Variants in FBXW7 observed in about 807,000 individuals in gnomAD.
FBXW7 encodes the protein F-box/WD repeat-containing protein 7.
In FBXW7, 11 loss-of-function variants were observed where a neutral mutation model predicts 86.3. That is an observed-to-expected ratio of 0.13 (90% CI 0.08 to 0.21). FBXW7 has a LOEUF of 0.21. Ranked by LOEUF, FBXW7 falls within the 10% of genes least tolerant of loss-of-function variation. FBXW7 has a pLI of 1.00. For missense variants in FBXW7, 488 were observed against 847.4 expected (o/e 0.58, Z 5.27); for synonymous variants, 313 against 297.9 (o/e 1.05, Z -0.52).
At chr4:152,345,662 C>CA (rs553490278) in intron 6 of FBXW7, among the ~76,000 whole-genome samples, 2 of 151,504 alleles carry the variant, frequency 1.3e-5, no homozygotes, top group Admixed American at 6.6e-5. Context: ...AGTTACCAAC[C>CA]AAAAAAAGGT....
At chr4:152,483,916 C>T (rs557524669) in intron 2 of FBXW7, among the ~76,000 whole-genome samples, 1 of 152,206 alleles carries the variant, frequency 6.6e-6, no homozygotes, top group South Asian at 2.1e-4. Context: ...AAATTTTACA[C>T]TGGATAGTTT....
intron 2 of FBXW7, chr4:152,489,511 AAACT>A (rs765664359): frequency 3.3e-5 from 5 of 152,594 alleles, no homozygotes; most frequent in African/African-American, 4.8e-5. Flanking sequence ...AGCATTTTCT[AAACT>A]AACTGTCACT....
chr4:152,471,178 C>T (rs1384093201), intron 2 of FBXW7, among the ~76,000 whole-genome samples: 1 of 130,108 alleles, frequency 7.7e-6, no homozygotes, highest in Admixed American at 7.8e-5. Context: ...CCACAAGCCA[C>T]AGAAAAGGTG....
intron 2 of FBXW7, among the ~76,000 whole-genome samples, chr4:152,513,671 T>C (rs1748198482): frequency 6.6e-6 from 1 of 152,254 alleles, no homozygotes; most frequent in Admixed American, 6.5e-5. Context: ...TTACCCAGAC[T>C]TTTCCAACTC....
At chr4:152,392,325 A>G (rs1736061321) in intron 4 of FBXW7, among the ~76,000 whole-genome samples, 1 of 152,068 alleles carries the variant, frequency 6.6e-6, no homozygotes, top group African/African-American at 2.4e-5. Flanking sequence ...TAAAAAGGAG[A>G]TTCAGCTTCC....
At chr4:152,352,821 T>C (rs1731973432) in intron 4 of FBXW7, 4 of 1,548,852 alleles carry the variant, frequency 2.6e-6, no homozygotes, top group Non-Finnish European at 3.5e-6. Context: ...TGTCAAAGCC[T>C]TGACTGAACA....
intron 2 of FBXW7, among the ~76,000 whole-genome samples, chr4:152,500,349 T>C (rs768496676): frequency 5.3e-5 from 8 of 152,130 alleles, no homozygotes; most frequent in Non-Finnish European, 1.2e-4. Context: ...TCCTGGCTAC[T>C]TGAACGAGAA....
intron 4 of FBXW7, among the ~76,000 whole-genome samples, chr4:152,398,439 T>G (rs925699858): frequency 1.3e-5 from 2 of 152,030 alleles, no homozygotes; most frequent in Non-Finnish European, 2.9e-5. Context: ...ATTTTACATC[T>G]TTGTGCTTTC....
At chr4:152,387,312 G>A (rs193002173) in intron 4 of FBXW7, among the ~76,000 whole-genome samples, 43 of 152,222 alleles carry the variant, frequency 2.8e-4, no homozygotes, top group Middle Eastern at 3.4e-3. Flanking sequence ...TTACTGAAGT[G>A]CAATAAATCA....
intron 2 of FBXW7, among the ~76,000 whole-genome samples, chr4:152,490,152 C>T (rs947262197): frequency 1.3e-4 from 19 of 151,836 alleles, no homozygotes; most frequent in Admixed American, 4.6e-4. Context: ...GTATAACATA[C>T]GTTACCAGGA....
At chr4:152,423,740 T>A (rs746669158) in intron 2 of FBXW7, among the ~76,000 whole-genome samples, 1 of 152,122 alleles carries the variant, frequency 6.6e-6, no homozygotes, top group African/African-American at 2.4e-5. Context: ...GAGTATAAAT[T>A]GTATTATTCC....
intron 2 of FBXW7, among the ~76,000 whole-genome samples, chr4:152,448,173 C>A (rs1045830969): frequency 6.6e-6 from 1 of 152,194 alleles, no homozygotes; most frequent in East Asian, 1.9e-4. Context: ...GCTGAAATCA[C>A]AACATCCATT....
At chr4:152,367,507 T>A (rs1255475740) in intron 4 of FBXW7, among the ~76,000 whole-genome samples, 1 of 152,016 alleles carries the variant, frequency 6.6e-6, no homozygotes, top group East Asian at 1.9e-4. Context: ...AAGACTAAGA[T>A]CCCACTAAAA....
At chr4:152,332,404 G>C (rs1331402991) in intron 8 of FBXW7, among the ~76,000 whole-genome samples, 192 bp downstream of exon 8, 3 of 152,212 alleles carry the variant, frequency 2.0e-5, no homozygotes, top group East Asian at 1.9e-4. Context: ...AAGCAAATCA[G>C]ATATATTTGC....
intron 2 of FBXW7, among the ~76,000 whole-genome samples, chr4:152,444,305 GT>G (rs58721060): frequency 0.03 from 4,588 of 151,798 alleles, 125 homozygotes; most frequent in African/African-American, 0.062. Context: ...TGGCTGGATG[GT>G]TAGTCCAAAC....
intron 4 of FBXW7, among the ~76,000 whole-genome samples, chr4:152,391,524 T>G (rs1310928100): frequency 2.6e-5 from 4 of 152,066 alleles, no homozygotes; most frequent in Admixed American, 1.3e-4. Flanking sequence ...GATAGAAAGA[T>G]AAATAAGTCT....
chr4:152,411,749 G>A lies in FBXW7; in HGVS notation c.55C>T (p.Leu19=), dbSNP rs2126882530. 1.9e-6 allele frequency: 3 copies of A among 1,613,504 alleles called. No individual in the cohort carries two copies. Among genetic ancestry groups the A allele is most frequent in the Non-Finnish European group, 2.5e-6 (3 of 1,179,762 alleles). Residue 19 remains leucine, a synonymous_variant, in exon 4 of 14, where the codon CTG becomes TTG. Coordinates refer to ENST00000281708, the MANE Select transcript of FBXW7 (RefSeq NM_001349798.2). ...GSKRRRTGGS[L]RGNPSSSQVD... Reference sequence around the variant, plus strand: ...TGGCTTGAGGAAGGGTTACCTCTCAGAGAGCCTCCAGTTCGTCGTCTTTTG... The same window carrying A: ...TGGCTTGAGGAAGGGTTACCTCTCAAAGAGCCTCCAGTTCGTCGTCTTTTG...
chr4:152,324,025 G>C lies in FBXW7; in HGVS notation c.1855+159C>G. On this transcript the variant is annotated intron_variant, in intron 13 of 13. Transcript: ENST00000281708. Reference sequence around the variant, plus strand: ...CACAGTTTAAAACATTTCCTCAAGAGTAGACTAGTTCTGTAAGTCAGGGTG... The same window carrying C: ...CACAGTTTAAAACATTTCCTCAAGACTAGACTAGTTCTGTAAGTCAGGGTG... 9.9e-6 allele frequency: 6 copies of C among 607,068 alleles called. No individual in the cohort carries two copies. The South Asian group carries it at 1.2e-4, about 12-fold the overall frequency. The allele number at this position is 607,068 out of a possible 1,614,324, so 37.6% of individuals were successfully genotyped here. A position where few individuals can be genotyped will look rare whatever the true frequency, so the allele number is the denominator to read the frequency against.
chr4:152,499,064 T>C lies in FBXW7; in HGVS notation c.-120+35877A>G, dbSNP rs187652536. 2.4e-3 allele frequency among the ~76,000 whole-genome samples: 372 copies of C among 152,228 alleles called. 4 individuals carry two copies. The highest frequency in any genetic ancestry group is 0.02 in the Admixed American group (308 of 15,294). On this transcript the variant is annotated intron_variant, in intron 2 of 13. Coordinates refer to ENST00000281708, the MANE Select transcript of FBXW7 (RefSeq NM_001349798.2). ...GGGATTCCAAGAATTATCAGAGAAC[T>C]GAAGAATCCACTTGGAGATATGATG... is the stretch of plus-strand genomic sequence containing the variant.
Sources: gnomAD v4.1 joint callset for allele counts (sites outside exome capture counted in the v4.1 genomes callset) on GRCh38, gnomAD v4.1.1 for gene constraint, MANE v1.5 for transcripts, NCBI Gene and HGNC (gene_info 2026-07-23, HGNC 2026-07-21) for gene names.